The following SLC12A1 variants were observed in gnomAD, a reference collection of about 807,000 sequenced individuals.
SLC12A1 encodes solute carrier family 12 member 1.
Under a neutral mutation model 130.4 loss-of-function variants are expected in SLC12A1, and 89 were observed. The observed-to-expected ratio is 0.68, with a 90% CI of 0.58 to 0.81. The LOEUF (loss-of-function observed/expected upper bound fraction) is 0.81, where lower values mean the gene tolerates loss of function less well. Ranked by LOEUF, SLC12A1 falls within the 40% of genes least tolerant of loss-of-function variation. The probability of loss-of-function intolerance (pLI) is 0.00; values close to 1 mark genes in which losing one functional copy is unlikely to be tolerated. For missense variants in SLC12A1, 1,310 were observed against 1,336.4 expected (o/e 0.98, Z 0.31); for synonymous variants, 499 against 460.0 (o/e 1.08, Z -1.09).
intron 20 of SLC12A1, 36 bp downstream of exon 20, chr15:48,274,689 T>G (rs748430622): frequency 7.1e-7 from 1 of 1,418,172 alleles, no homozygotes. Context: ...CAAGTATTTA[T>G]TGAGCACCTA....
chr15:48,283,585 C>T (rs977599801), intron 20 of SLC12A1, among the ~76,000 whole-genome samples: 23 of 152,216 alleles, frequency 1.5e-4, no homozygotes, highest in African/African-American at 5.5e-4. Flanking sequence ...AGGGGCCAGA[C>T]AATTCTGTGT....
intron 13 of SLC12A1, among the ~76,000 whole-genome samples, chr15:48,247,801 TGTTA>T (rs1271401831): frequency 6.6e-6 from 1 of 152,210 alleles, no homozygotes; most frequent in East Asian, 1.9e-4. Context: ...TTGAATTGCC[TGTTA>T]GTGTTTCTGG....
chr15:48,286,660 T>G (rs532832372), intron 21 of SLC12A1, among the ~76,000 whole-genome samples: 2 of 152,348 alleles, frequency 1.3e-5, no homozygotes, highest in East Asian at 3.9e-4. Context: ...AATACTTGTT[T>G]TGGCAAAAAT....
chr15:48,252,190 C>T (rs897174014), intron 15 of SLC12A1, among the ~76,000 whole-genome samples: 3 of 151,736 alleles, frequency 2.0e-5, no homozygotes, highest in Admixed American at 6.6e-5. Context: ...GCAACAAGAG[C>T]GAAACTCTGT....
chr15:48,274,812 T>G (rs2041934067), intron 20 of SLC12A1, among the ~76,000 whole-genome samples, 159 bp downstream of exon 20: 1 of 152,200 alleles, frequency 6.6e-6, no homozygotes, highest in Non-Finnish European at 1.5e-5. Context: ...CCCCCAGTAT[T>G]TTCTTCAATG....
At chr15:48,230,196 T>C (rs2141033413) in intron 6 of SLC12A1, among the ~76,000 whole-genome samples, 197 bp from the exon 7 acceptor site, 1 of 152,326 alleles carries the variant, frequency 6.6e-6, no homozygotes, top group East Asian at 1.9e-4. Flanking sequence ...CTCCTAACCT[T>C]GACTATCAAA....
chr15:48,218,375 A>G (rs1186366620), intron 2 of SLC12A1, among the ~76,000 whole-genome samples: 1 of 152,076 alleles, frequency 6.6e-6, no homozygotes, highest in Non-Finnish European at 1.5e-5. Context: ...TCACCTCGGG[A>G]AGGAAAAGCA....
intron 2 of SLC12A1, among the ~76,000 whole-genome samples, chr15:48,214,277 AC>A (rs2041092164): frequency 6.6e-6 from 1 of 152,236 alleles, no homozygotes; most frequent in Admixed American, 6.5e-5. Flanking sequence ...GGGAAAAAAA[AC>A]AAAAACAAAA....
chr15:48,210,813 A>G (rs1485102856), intron 2 of SLC12A1, among the ~76,000 whole-genome samples: 1 of 152,004 alleles, frequency 6.6e-6, no homozygotes, highest in African/African-American at 2.4e-5. Flanking sequence ...CGGTGAGCTG[A>G]GATAGTGCCA....
intron 17 of SLC12A1, among the ~76,000 whole-genome samples, chr15:48,259,680 T>G (rs2041748266): frequency 6.6e-6 from 1 of 152,134 alleles, no homozygotes; most frequent in African/African-American, 2.4e-5. Flanking sequence ...TTATAGAGAT[T>G]AACTGATGAG....
At chr15:48,248,478 T>G (rs895789573) in intron 13 of SLC12A1, among the ~76,000 whole-genome samples, 1 of 152,238 alleles carries the variant, frequency 6.6e-6, no homozygotes. Flanking sequence ...TCCTTTAAAA[T>G]CATTCTTTCA....
At chr15:48,220,522 G>GT in intron 2 of SLC12A1, 112 bp from the exon 3 acceptor site, 3 of 1,064,870 alleles carry the variant, frequency 2.8e-6, no homozygotes, top group South Asian at 2.0e-5. Flanking sequence ...TAGTTTGGGG[G>GT]TTTTTTGGTA....
intron 23 of SLC12A1, among the ~76,000 whole-genome samples, chr15:48,288,780 G>C (rs1566857646): frequency 6.6e-6 from 1 of 152,194 alleles, no homozygotes; most frequent in African/African-American, 2.4e-5. Flanking sequence ...CAAGTCTTGA[G>C]TGGGAGCTTC....
intron 20 of SLC12A1, 58 bp from the exon 21 acceptor site, chr15:48,285,048 T>C (rs2042042820): frequency 1.5e-6 from 2 of 1,309,914 alleles, no homozygotes; most frequent in East Asian, 2.4e-5. Flanking sequence ...TTTATAAGAT[T>C]GTTTCTAGAA....
intron 17 of SLC12A1, among the ~76,000 whole-genome samples, chr15:48,264,144 G>A (rs1019625659): frequency 1.3e-5 from 2 of 152,136 alleles, no homozygotes; most frequent in Non-Finnish European, 2.9e-5. Context: ...ATACCAAAAT[G>A]TAAATCTATT....
intron 21 of SLC12A1, among the ~76,000 whole-genome samples, chr15:48,286,333 T>C (rs1163784062): frequency 1.3e-5 from 2 of 152,220 alleles, no homozygotes; most frequent in Non-Finnish European, 2.9e-5. Context: ...CTCCTTACAG[T>C]CCACCTTAAA....
intron 20 of SLC12A1, among the ~76,000 whole-genome samples, chr15:48,281,525 G>A (rs768489678): frequency 1.3e-5 from 2 of 152,146 alleles, no homozygotes; most frequent in African/African-American, 2.4e-5. Flanking sequence ...CAGCTATTGC[G>A]ATCAAGGCAT....
chr15:48,299,631 T>A (rs1169316356), intron 25 of SLC12A1, among the ~76,000 whole-genome samples: 1 of 152,230 alleles, frequency 6.6e-6, no homozygotes, highest in African/African-American at 2.4e-5. Context: ...TGACTCACAA[T>A]TTAACACAAT....
intron 18 of SLC12A1, among the ~76,000 whole-genome samples, chr15:48,269,023 A>T (rs201301893): frequency 6.6e-6 from 1 of 152,226 alleles, no homozygotes; most frequent in Non-Finnish European, 1.5e-5. Context: ...TGGCAAAAGG[A>T]CAAGACATAG....
Sources: allele counts gnomAD v4.1 joint callset (sites outside exome capture counted in the v4.1 genomes callset), GRCh38; gene constraint gnomAD v4.1.1; transcripts MANE v1.5; gene names NCBI Gene and HGNC (gene_info 2026-07-23, HGNC 2026-07-21).